Variants in SPATA13 observed in about 807,000 individuals in gnomAD.
The protein encoded by SPATA13 is spermatogenesis-associated protein 13.
SPATA13 carries 50 observed loss-of-function variants against 104.0 expected under a neutral mutation model. The observed-to-expected ratio is 0.48, with a 90% CI of 0.38 to 0.61. The LOEUF (loss-of-function observed/expected upper bound fraction) is 0.61. SPATA13 is among the 20% of genes least tolerant of loss of function. The pLI is 0.00. For synonymous variants in SPATA13, 606 were observed against 667.5 expected, an observed-to-expected ratio of 0.91 and a Z score of 1.42; for missense variants, 1,524 against 1,690.6, an observed-to-expected ratio of 0.90 and a Z score of 1.73.
intron 1 of SPATA13, among the ~76,000 whole-genome samples, chr13:24,216,593 A>T (rs1871270556): frequency 6.6e-6 from 1 of 152,190 alleles, no homozygotes; most frequent in African/African-American, 2.4e-5. Context: ...TACTCCTTAC[A>T]CAGAGAGACC....
At chr13:24,202,568 A>C (rs1404208513) in intron 1 of SPATA13, among the ~76,000 whole-genome samples, 1 of 131,436 alleles carries the variant, frequency 7.6e-6, no homozygotes, top group Non-Finnish European at 1.6e-5. Context: ...TTTAAGGTAC[A>C]ATATTAGAAT....
At chr13:24,103,016 C>T (rs958679507) in intron 3 of SPATA13, among the ~76,000 whole-genome samples, 2 of 151,992 alleles carry the variant, frequency 1.3e-5, no homozygotes, top group Non-Finnish European at 2.9e-5. Flanking sequence ...TTTCCCAGCA[C>T]CTTTTGTTGA....
chr13:24,116,779 C>A (rs551045619), intron 3 of SPATA13, among the ~76,000 whole-genome samples: 13 of 151,484 alleles, frequency 8.6e-5, no homozygotes, highest in South Asian at 6.3e-4. Context: ...GCCCCCCCCC[C>A]CCAATGTGCT....
chr13:24,028,403 A>T (rs1016653433), intron 3 of SPATA13, among the ~76,000 whole-genome samples: 1 of 152,198 alleles, frequency 6.6e-6, no homozygotes, highest in Admixed American at 6.5e-5. Context: ...TGGGTACATA[A>T]TTCTGGGTTG....
chr13:24,297,753 C>G lies in SPATA13; in HGVS notation c.3583+18C>G. ...GGAGATGGGTGAGCAGCCCTTGGCTCTGCAGGCACCTGTGCCTCTGCTTGC... is the reference window on the plus strand; with the variant it reads ...GGAGATGGGTGAGCAGCCCTTGGCTGTGCAGGCACCTGTGCCTCTGCTTGC... On this transcript the variant is annotated intron_variant, in intron 11 of 12. Coordinates refer to ENST00000382108, the MANE Select transcript of SPATA13 (RefSeq NM_001166271.3). 5 of 1,593,182 alleles carry G rather than the reference C, an allele frequency of 3.1e-6. No homozygotes were observed. Among genetic ancestry groups the G allele is most frequent in the Non-Finnish European group, 4.3e-6 (5 of 1,168,420 alleles).
chr13:24,151,703 A>G (rs1369482866), intron 3 of SPATA13, among the ~76,000 whole-genome samples: 1 of 152,194 alleles, frequency 6.6e-6, no homozygotes, highest in African/African-American at 2.4e-5. Flanking sequence ...GAGAGGGCTC[A>G]GCTTCCTTAT....
Position 24,286,797 on chromosome 13 carries a change from C to T in SPATA13, c.2514C>T (p.Asn838=), listed in dbSNP as rs532158860. Residue 838 remains asparagine (N), a synonymous_variant, in exon 7 of 13, where the codon AAC becomes AAT. Coordinates refer to ENST00000382108, the MANE Select transcript of SPATA13 (RefSeq NM_001166271.3). This position sits in a 1 kb window ranked among gnomAD's most constrained non-coding sequence, Gnocchi z 4.9. ...TGAATCAGGAAGAGCTGTCGGAAAA[C>T]TCCAGCAGCACCCCCAGTGAGGAGC... ...LRVNQEELSE[N]SSSTPSEEQD... 22 of 1,613,680 alleles carry T rather than the reference C, an allele frequency of 1.4e-5. No homozygotes were observed. In the South Asian group the frequency reaches 2.1e-4, roughly 15 times the overall value.
intron 3 of SPATA13, chr13:24,122,594 C>T (rs1566111891): frequency 4.6e-6 from 7 of 1,509,978 alleles, no homozygotes. Context: ...TTGCATGACA[C>T]TCTGCATCTT....
intron 3 of SPATA13, among the ~76,000 whole-genome samples, chr13:24,057,236 C>G (rs1878595289): frequency 6.6e-6 from 1 of 151,658 alleles, no homozygotes; most frequent in South Asian, 2.1e-4. Context: ...CCCCCCTCCC[C>G]CCAACCCCAC....
chr13:23,998,287 G>A (rs1237317591), intron 2 of SPATA13, among the ~76,000 whole-genome samples: 2 of 152,156 alleles, frequency 1.3e-5, no homozygotes, highest in Admixed American at 6.5e-5. Flanking sequence ...GTATGTAGTG[G>A]TATCTTGGAG....
intron 2 of SPATA13, among the ~76,000 whole-genome samples, chr13:24,013,234 TCTC>T (rs1325750021): frequency 4.6e-5 from 7 of 152,134 alleles, no homozygotes; most frequent in Non-Finnish European, 1.0e-4. Flanking sequence ...CCAAGGAACT[TCTC>T]CTCAGCTCAG....
At chr13:23,983,904 G>A (rs901218786) in exon 2 of SPATA13, 176 of 985,472 alleles carry the variant, frequency 1.8e-4, no homozygotes, top group African/African-American at 1.3e-3. Context: ...ATGGCAAAGC[G>A]TAGGCCTCAC....
chr13:24,274,829 TG>T (rs1021534698), intron 4 of SPATA13, among the ~76,000 whole-genome samples: 1 of 152,194 alleles, frequency 6.6e-6, no homozygotes, highest in East Asian at 1.9e-4. Flanking sequence ...TGATGCTGGG[TG>T]GGAGATGCTG....
intron 3 of SPATA13, among the ~76,000 whole-genome samples, chr13:24,154,342 C>T (rs1468937279): frequency 6.6e-6 from 1 of 151,990 alleles, no homozygotes; most frequent in African/African-American, 2.4e-5. Flanking sequence ...GAATACTACA[C>T]AGCAATGAAA....
intron 2 of SPATA13, among the ~76,000 whole-genome samples, chr13:23,998,928 G>GCATT (rs1566066793): frequency 6.8e-6 from 1 of 147,368 alleles, no homozygotes; most frequent in African/African-American, 2.5e-5. Context: ...ACTAACTTTG[G>GCATT]TTTTTTTTTT....
chr13:23,981,860 T>G (rs575593070), intron 1 of SPATA13, among the ~76,000 whole-genome samples: 1 of 152,356 alleles, frequency 6.6e-6, no homozygotes, highest in East Asian at 1.9e-4. Context: ...TAAGTGAATT[T>G]CTTAAAAACA....
chr13:24,059,035 A>G (rs550146893), intron 3 of SPATA13, among the ~76,000 whole-genome samples: 2 of 151,644 alleles, frequency 1.3e-5, no homozygotes, highest in East Asian at 3.9e-4. Context: ...GCAGTGGCGG[A>G]ATCTCCACTC....
At chr13:24,113,615 T>C (rs1259471822) in intron 3 of SPATA13, among the ~76,000 whole-genome samples, 6 of 151,926 alleles carry the variant, frequency 3.9e-5, no homozygotes. Context: ...CTTAAGCCTG[T>C]AATCCCAGCA....
chr13:23,999,223 A>C (rs967391659), intron 2 of SPATA13, among the ~76,000 whole-genome samples: 6 of 152,084 alleles, frequency 3.9e-5, no homozygotes, highest in South Asian at 2.1e-4. Flanking sequence ...CACTGCACCC[A>C]GCCTAATGTT....
Sources: gnomAD v4.1 joint callset for allele counts (sites outside exome capture counted in the v4.1 genomes callset) on GRCh38, gnomAD v4.1.1 for gene constraint, Gnocchi (gnomAD v3.1) non-coding constraint, MANE v1.5 for transcripts, NCBI Gene and HGNC (gene_info 2026-07-23, HGNC 2026-07-21) for gene names.